The following NKAIN1 variants were observed in gnomAD, a reference collection of about 807,000 sequenced individuals.
NKAIN1 encodes sodium/potassium-transporting ATPase subunit beta-1-interacting protein 1.
A neutral mutation model predicts 31.6 loss-of-function variants in NKAIN1; 13 were observed. The observed-to-expected ratio is 0.41, with a 90% CI of 0.27 to 0.65. NKAIN1 has a LOEUF of 0.65. Ranked by LOEUF, NKAIN1 falls within the 30% of genes least tolerant of loss-of-function variation. The pLI is 0.30. For missense variants in NKAIN1, 193 were observed against 262.2 expected, an observed-to-expected ratio of 0.74 and a Z score of 1.82; for synonymous variants, 104 against 109.0, an observed-to-expected ratio of 0.95 and a Z score of 0.28.
intron 1 of NKAIN1, among the ~76,000 whole-genome samples, chr1:31,198,756 TGCCA>T (rs1308563846): frequency 7.2e-6 from 1 of 138,530 alleles, no homozygotes; most frequent in Admixed American, 7.7e-5. Context: ...ATCAGGTAGC[TGCCA>T]GCTGAAGGGG....
At chr1:31,234,949 A>G (rs1645684027) in intron 1 of NKAIN1, among the ~76,000 whole-genome samples, 1 of 152,164 alleles carries the variant, frequency 6.6e-6, no homozygotes, top group East Asian at 1.9e-4. Flanking sequence ...TCCTCACCTG[A>G]AAAAGGGGAT....
At chr1:31,229,678 C>G (rs1107426) in intron 1 of NKAIN1, among the ~76,000 whole-genome samples, 1 of 152,118 alleles carries the variant, frequency 6.6e-6, no homozygotes, top group Non-Finnish European at 1.5e-5. Flanking sequence ...CCCTGACAAC[C>G]TGACACCCAG....
chr1:31,183,751 C>G (rs1645221117), intron 4 of NKAIN1, 66 bp downstream of exon 4: 1 of 1,517,480 alleles, frequency 6.6e-7, no homozygotes. Context: ...CCCAACCCAT[C>G]CCCTCAACCA....
intron 1 of NKAIN1, among the ~76,000 whole-genome samples, chr1:31,218,077 TTTTGAGATGGA>T (rs1645532356): frequency 6.6e-6 from 1 of 150,740 alleles, no homozygotes; most frequent in African/African-American, 2.5e-5. Context: ...TCTTTTTTTT[TTTTGAGATGGA>T]GTCTCGCTCT....
intron 1 of NKAIN1, among the ~76,000 whole-genome samples, chr1:31,191,615 A>G (rs1645286567): frequency 6.6e-6 from 1 of 152,140 alleles, no homozygotes; most frequent in African/African-American, 2.4e-5. Flanking sequence ...GACTTGATAC[A>G]TAGTGGCTAA....
chr1:31,188,824 G>T (rs940615614), intron 1 of NKAIN1, among the ~76,000 whole-genome samples: 1 of 151,918 alleles, frequency 6.6e-6, no homozygotes, highest in African/African-American at 2.4e-5. Flanking sequence ...TCCAGTCTGG[G>T]CAACCTGGTG....
rs372438239 is a variant in NKAIN1 at position 31,214,509 on chromosome 1, C to T, written c.54+24985G>A. ...AGAAACGGATCTTGGCCTCATAGAGCTTACATTCAGTGTATGTGTACATGT... is the reference window on the plus strand; with the variant it reads ...AGAAACGGATCTTGGCCTCATAGAGTTTACATTCAGTGTATGTGTACATGT... On this transcript the variant is annotated intron_variant, in intron 1 of 6. Coordinates refer to ENST00000373736, the MANE Select transcript of NKAIN1 (RefSeq NM_024522.3). 8.6e-5 allele frequency among the ~76,000 whole-genome samples: 13 copies of T among 151,106 alleles called. No homozygotes were observed. The South Asian group carries it at 2.1e-3, about 24-fold the overall frequency.
In NKAIN1 at chr1:31,232,674, G is replaced by A. The variant is rs1569592335; in HGVS notation, c.54+6820C>T. Among the ~76,000 whole-genome samples, 3 of 151,472 alleles carry A rather than the reference G, an allele frequency of 2.0e-5. No individual in the cohort carries two copies. In the South Asian group the frequency reaches 6.3e-4, roughly 32 times the overall value. ...CCTTAATACTAGAGAAGAGTAGTTT[G>A]GGAGTCTCCTACCACATAGAATAAA... is the stretch of plus-strand genomic sequence containing the variant. On this transcript the variant is annotated intron_variant, in intron 1 of 6. Transcript: ENST00000373736.
chr1:31,188,240 G>T (rs1645259966), intron 1 of NKAIN1, 53 bp from the exon 2 acceptor site: 2 of 1,538,240 alleles, frequency 1.3e-6, no homozygotes, highest in Non-Finnish European at 1.8e-6. Context: ...GGGAAGGACA[G>T]GGATTCCTGC....
chr1:31,212,775 C>T (rs953566535), intron 1 of NKAIN1, among the ~76,000 whole-genome samples: 8 of 151,934 alleles, frequency 5.3e-5, no homozygotes, highest in East Asian at 1.9e-4. Context: ...CCGAGGTGGG[C>T]GGATCACAAG....
chr1:31,238,548 G>A (rs556000457), intron 1 of NKAIN1, among the ~76,000 whole-genome samples: 13 of 152,272 alleles, frequency 8.5e-5, no homozygotes, highest in African/African-American at 3.1e-4. Context: ...GCCAGGGCCT[G>A]ATTTGAAGGG....
intron 1 of NKAIN1, among the ~76,000 whole-genome samples, chr1:31,200,460 T>TC (rs2148355027): frequency 7.4e-6 from 1 of 135,842 alleles, no homozygotes; most frequent in African/African-American, 3.2e-5. Context: ...TCCTCTCTCT[T>TC]TTTTTTTTTT....
chr1:31,186,249 C>G (rs181631976), intron 2 of NKAIN1, among the ~76,000 whole-genome samples: 188 of 151,614 alleles, frequency 1.2e-3, no homozygotes, highest in Admixed American at 4.4e-3. Flanking sequence ...GTAATCCCAG[C>G]TACTCGGAAG....
chr1:31,219,122 C>G (rs971034423), intron 1 of NKAIN1, among the ~76,000 whole-genome samples: 8 of 152,260 alleles, frequency 5.3e-5, no homozygotes, highest in African/African-American at 1.7e-4. Context: ...AACTAACAAC[C>G]TCCTAAATAT....
At chr1:31,183,629 G>A (rs1645220230) in intron 4 of NKAIN1, among the ~76,000 whole-genome samples, 188 bp downstream of exon 4, 1 of 151,874 alleles carries the variant, frequency 6.6e-6, no homozygotes, top group Non-Finnish European at 1.5e-5. Flanking sequence ...TGTATTTTTA[G>A]TAGAGACGGG....
intron 1 of NKAIN1, among the ~76,000 whole-genome samples, chr1:31,188,808 C>T (rs182809984): frequency 1.0e-3 from 156 of 152,166 alleles, no homozygotes; most frequent in African/African-American, 3.7e-3. Context: ...TTGAAAAATG[C>T]ATGCATCCAG....
At chr1:31,207,621 C>T (rs1433937217) in intron 1 of NKAIN1, among the ~76,000 whole-genome samples, 1 of 152,108 alleles carries the variant, frequency 6.6e-6, no homozygotes, top group East Asian at 1.9e-4. Context: ...CTTCTTTGCC[C>T]ATGAAGCATT....
chr1:31,225,492 C>A (rs1645597149), intron 1 of NKAIN1, among the ~76,000 whole-genome samples: 1 of 151,972 alleles, frequency 6.6e-6, no homozygotes. Flanking sequence ...ACATGCCTGG[C>A]TAATTTTTGT....
At chr1:31,211,860 T>C (rs1443068196) in intron 1 of NKAIN1, among the ~76,000 whole-genome samples, 2 of 152,146 alleles carry the variant, frequency 1.3e-5, no homozygotes, top group East Asian at 3.8e-4. Context: ...GAGAATCGCT[T>C]GAACCCAGGA....
Sources: allele counts gnomAD v4.1 joint callset (sites outside exome capture counted in the v4.1 genomes callset), GRCh38; gene constraint gnomAD v4.1.1; transcripts MANE v1.5; gene names NCBI Gene and HGNC (gene_info 2026-07-23, HGNC 2026-07-21).